Variants in CBLB observed in about 807,000 individuals in gnomAD.
CBLB encodes Cbl proto-oncogene B.
CBLB carries 31 observed loss-of-function variants against 104.9 expected under a neutral mutation model. That is an observed-to-expected ratio of 0.30 (90% CI 0.22 to 0.40). The LOEUF (loss-of-function observed/expected upper bound fraction) is 0.40. CBLB is among the 10% of genes least tolerant of loss of function. The probability of loss-of-function intolerance (pLI) is 1.00; values close to 1 mark genes in which losing one functional copy is unlikely to be tolerated. For synonymous variants in CBLB, 440 were observed against 422.6 expected (o/e 1.04, Z -0.51); for missense variants, 1,062 against 1,214.6 (o/e 0.87, Z 1.87).
intron 3 of CBLB, among the ~76,000 whole-genome samples, chr3:105,812,383 T>C (rs913316873): frequency 6.6e-6 from 1 of 151,790 alleles, no homozygotes; most frequent in Admixed American, 6.6e-5. Context: ...CTCAGATCAG[T>C]GGGATAAAGG....
chr3:105,845,277 A>G (rs1219014724), intron 3 of CBLB, among the ~76,000 whole-genome samples: 1 of 151,864 alleles, frequency 6.6e-6, no homozygotes, highest in Non-Finnish European at 1.5e-5. Flanking sequence ...TCATATGTGC[A>G]TAATATATAA....
chr3:105,738,312 C>T (rs2075169293), intron 7 of CBLB, among the ~76,000 whole-genome samples: 1 of 152,126 alleles, frequency 6.6e-6, no homozygotes, highest in South Asian at 2.1e-4. Context: ...GAAAAATGAA[C>T]TTAAAGGACA....
chr3:105,751,384 C>G (rs1576870015), intron 5 of CBLB, 78 bp downstream of exon 5: 9 of 966,840 alleles, frequency 9.3e-6, no homozygotes, highest in Admixed American at 7.6e-5. Flanking sequence ...GAGAGAGAGA[C>G]AGAGAGAGAG....
intron 3 of CBLB, among the ~76,000 whole-genome samples, chr3:105,792,146 T>G (rs1252508966): frequency 1.3e-5 from 2 of 152,136 alleles, no homozygotes; most frequent in African/African-American, 2.4e-5. Flanking sequence ...TTTAATAAGA[T>G]CCCCAGGTGA....
intron 3 of CBLB, among the ~76,000 whole-genome samples, chr3:105,825,280 G>A (rs980042434): frequency 7.2e-5 from 11 of 152,064 alleles, no homozygotes; most frequent in African/African-American, 2.7e-4. Context: ...AACCAGAGTG[G>A]GATAACTATC....
chr3:105,700,294 G>A (rs752305889), intron 12 of CBLB, among the ~76,000 whole-genome samples: 14 of 151,818 alleles, frequency 9.2e-5, no homozygotes, highest in South Asian at 2.1e-4. Context: ...AAAGAACCCC[G>A]AGACAAGATA....
At chr3:105,722,198 C>CAAAAAAAAA (rs5851468) in intron 9 of CBLB, among the ~76,000 whole-genome samples, 66 of 84,276 alleles carry the variant, frequency 7.8e-4, no homozygotes, top group South Asian at 1.3e-3. Flanking sequence ...GACCCCGTGC[C>CAAAAAAAAA]AAAAAAAAAA....
Position 105,693,403 on chromosome 3 carries a change from A to C in CBLB, c.2054+91T>G, listed in dbSNP as rs1044926514. ...GTTTACTATCAATGACTTTCTATTC[A>C]TCATGTAGTGTCTGTACTGAGAACC... On this transcript the variant is annotated intron_variant, in intron 13 of 18. Coordinates refer to ENST00000394030, the MANE Select transcript of CBLB (RefSeq NM_170662.5). The C allele has an allele frequency of 2.9e-5, 22 of 770,472 alleles. 1 individual carries two copies. In the Admixed American group the frequency reaches 4.2e-4, roughly 15 times the overall value. 47.7% of individuals were successfully genotyped at this position (770,472 alleles called of 1,614,324 possible). A position where few individuals can be genotyped will look rare whatever the true frequency, so the allele number is the denominator to read the frequency against.
chr3:105,754,525 G>GAGAGAGAGAGAGAAAC lies in CBLB; in HGVS notation c.567-2908_567-2907insGTTTCTCTCTCTCTCT, dbSNP rs2076887107. On this transcript the variant is annotated intron_variant, in intron 4 of 18. Coordinates refer to ENST00000394030, the MANE Select transcript of CBLB (RefSeq NM_170662.5). The stretch of plus-strand genomic sequence containing the variant: ...AGAGAGAGAGAGAGAGAGAGAGACA[G>GAGAGAGAGAGAGAAAC]AGAGAGAGAGAGAGAGAGAGAGAGA... Among the ~76,000 whole-genome samples, 14 of 16,012 alleles carry GAGAGAGAGAGAGAAAC rather than the reference G, an allele frequency of 8.7e-4. 1 individual carries two copies. The South Asian group carries it at 9.8e-3, about 11-fold the overall frequency. 10.5% of individuals were successfully genotyped at this position (16,012 alleles called of 152,430 possible).
At chr3:105,725,642 G>T (rs1000621012) in intron 9 of CBLB, among the ~76,000 whole-genome samples, 1 of 152,026 alleles carries the variant, frequency 6.6e-6, no homozygotes, top group Admixed American at 6.6e-5. Flanking sequence ...TACTCCCAAC[G>T]TGAAAGGGAA....
At chr3:105,714,453 T>TCCCATC (rs1170465099) in intron 10 of CBLB, among the ~76,000 whole-genome samples, 1 of 152,114 alleles carries the variant, frequency 6.6e-6, no homozygotes, top group Non-Finnish European at 1.5e-5. Context: ...AACTAGACAG[T>TCCCATC]CCCATCTAGG....
intron 10 of CBLB, among the ~76,000 whole-genome samples, chr3:105,711,067 A>C (rs2070996414): frequency 6.6e-6 from 1 of 152,018 alleles, no homozygotes; most frequent in South Asian, 2.1e-4. Flanking sequence ...ATTATTATGG[A>C]AATGGCAAAA....
intron 3 of CBLB, among the ~76,000 whole-genome samples, chr3:105,820,665 A>G (rs1355042070): frequency 1.3e-5 from 2 of 152,172 alleles, no homozygotes; most frequent in Non-Finnish European, 2.9e-5. Context: ...AATTTTACAC[A>G]AACACCAGAT....
chr3:105,747,563 G>A (rs1406133748), intron 5 of CBLB, among the ~76,000 whole-genome samples: 3 of 152,184 alleles, frequency 2.0e-5, no homozygotes, highest in East Asian at 3.9e-4. Context: ...GCGCTCTAGA[G>A]AATAATAATA....
chr3:105,740,709 A>C (rs1250407414), intron 6 of CBLB, 78 bp from the exon 7 acceptor site: 1 of 1,255,834 alleles, frequency 8.0e-7, no homozygotes, highest in Non-Finnish European at 1.1e-6. Context: ...GGTTTCTTCC[A>C]AGCAAAAGAA....
At chr3:105,700,691 G>A (rs2068969432) in intron 12 of CBLB, among the ~76,000 whole-genome samples, 1 of 152,070 alleles carries the variant, frequency 6.6e-6, no homozygotes, top group Non-Finnish European at 1.5e-5. Context: ...GAGACTGAAG[G>A]TACCAAGGTG....
At chr3:105,712,013 C>CT (rs1434007526) in intron 10 of CBLB, among the ~76,000 whole-genome samples, 1 of 152,074 alleles carries the variant, frequency 6.6e-6, no homozygotes, top group African/African-American at 2.4e-5. Flanking sequence ...GACAGGTCTC[C>CT]TTTAAAGTAG....
chr3:105,736,496 T>C (rs896759415), intron 8 of CBLB, among the ~76,000 whole-genome samples: 1 of 152,184 alleles, frequency 6.6e-6, no homozygotes, highest in African/African-American at 2.4e-5. Flanking sequence ...CTCCTGTTCA[T>C]GACTTCACAC....
chr3:105,767,774 T>C (rs529140332), intron 4 of CBLB, among the ~76,000 whole-genome samples: 3 of 152,302 alleles, frequency 2.0e-5, no homozygotes, highest in East Asian at 1.9e-4. Context: ...ATAACAACCA[T>C]TGATGGTAGG....
Sources: gnomAD v4.1 joint callset for allele counts (sites outside exome capture counted in the v4.1 genomes callset) on GRCh38, gnomAD v4.1.1 for gene constraint, MANE v1.5 for transcripts, NCBI Gene and HGNC (gene_info 2026-07-23, HGNC 2026-07-21) for gene names.